The following DAB1 variants were observed in gnomAD, a reference collection of about 807,000 sequenced individuals.
DAB1 encodes disabled homolog 1.
Under a neutral mutation model 64.6 loss-of-function variants are expected in DAB1, and 15 were observed. The observed-to-expected ratio is 0.23, with a 90% confidence interval of 0.16 to 0.36. The LOEUF is 0.36. Ranked by LOEUF, DAB1 falls within the 10% of genes least tolerant of loss-of-function variation. The probability of loss-of-function intolerance (pLI) is 1.00; values close to 1 mark genes in which losing one functional copy is unlikely to be tolerated. For synonymous variants in DAB1, 235 were observed against 251.9 expected, an observed-to-expected ratio of 0.93 and a Z score of 0.64; for missense variants, 596 against 706.7, an observed-to-expected ratio of 0.84 and a Z score of 1.78.
At chr1:57,076,419 A>C (rs2100611483) in intron 4 of DAB1, among the ~76,000 whole-genome samples, 1 of 152,300 alleles carries the variant, frequency 6.6e-6, no homozygotes, top group Middle Eastern at 3.4e-3. Context: ...GGAACACCCT[A>C]GCTCTCTGCC....
intron 7 of DAB1, among the ~76,000 whole-genome samples, chr1:57,590,735 AACACACACACACACAC>A (rs58957864): frequency 3.0e-4 from 40 of 132,432 alleles, no homozygotes; most frequent in East Asian, 1.1e-3. Context: ...TGTAGTCCGT[AACACACACACACACAC>A]ACACACACAC....
intron 1 of DAB1, among the ~76,000 whole-genome samples, chr1:57,344,108 C>T (rs1026516851): frequency 2.0e-5 from 3 of 152,202 alleles, no homozygotes; most frequent in African/African-American, 7.2e-5. Flanking sequence ...CAAACTGAGG[C>T]TCAAGAAAGA....
rs79626447 is a variant in DAB1, at chr1:58,227,751, C to T, written n.310-77163G>A. Reference sequence around the variant, plus strand: ...GCTTTGATTTGCCCACAGTGTAAGCCGGTCTCAGCTCTTCCACTCACTGTT... The same window carrying T: ...GCTTTGATTTGCCCACAGTGTAAGCTGGTCTCAGCTCTTCCACTCACTGTT... On this transcript the variant is annotated intron_variant and non_coding_transcript_variant, in intron 4 of 20. Transcript: ENST00000485760. 6.4e-3 allele frequency among the ~76,000 whole-genome samples: 982 copies of T among 152,276 alleles called. 12 individuals carry two copies. The highest frequency in any genetic ancestry group is 0.023 in the African/African-American group (949 of 41,542).
intron 7 of DAB1, among the ~76,000 whole-genome samples, chr1:57,450,548 CTA>C (rs1385655432): frequency 2.0e-5 from 3 of 152,136 alleles, no homozygotes; most frequent in African/African-American, 7.2e-5. Flanking sequence ...TTCTGTCCTA[CTA>C]TGTCACAGAT....
chr1:58,377,134 A>T (rs909537007), intron 3 of DAB1, among the ~76,000 whole-genome samples: 2 of 148,718 alleles, frequency 1.3e-5, no homozygotes, highest in African/African-American at 5.0e-5. Flanking sequence ...TCTTTATCCA[A>T]CTTGCCAGTC....
At chr1:58,234,259 T>C (rs1332138748) in intron 4 of DAB1, among the ~76,000 whole-genome samples, 4 of 152,210 alleles carry the variant, frequency 2.6e-5, no homozygotes, top group Non-Finnish European at 4.4e-5. Flanking sequence ...TATCTATCGA[T>C]TATTGACTGC....
At chr1:58,351,808 G>A (rs1477456397) in intron 3 of DAB1, among the ~76,000 whole-genome samples, 1 of 148,888 alleles carries the variant, frequency 6.7e-6, no homozygotes, top group South Asian at 2.2e-4. Context: ...AGATGGGGGA[G>A]AGGGGTGTGG....
chr1:58,185,682 C>A (rs1657034754), intron 4 of DAB1, among the ~76,000 whole-genome samples: 1 of 152,184 alleles, frequency 6.6e-6, no homozygotes, highest in Admixed American at 6.5e-5. Flanking sequence ...CAGACCAAGT[C>A]AGCTGTTCCC....
chr1:57,569,591 C>G (rs1645168480), intron 7 of DAB1, among the ~76,000 whole-genome samples: 1 of 138,896 alleles, frequency 7.2e-6, no homozygotes, highest in African/African-American at 2.6e-5. Flanking sequence ...ACACCGGGGC[C>G]TGTTGTGTGG....
chr1:57,965,787 A>T (rs1346274058), intron 5 of DAB1, among the ~76,000 whole-genome samples: 2 of 152,124 alleles, frequency 1.3e-5, no homozygotes, highest in Non-Finnish European at 2.9e-5. Flanking sequence ...TCTTTAGGGG[A>T]GGTAGACAGG....
chr1:57,509,572 T>C (rs1251528134), intron 7 of DAB1, among the ~76,000 whole-genome samples: 1 of 152,142 alleles, frequency 6.6e-6, no homozygotes, highest in African/African-American at 2.4e-5. Context: ...TATTAGCTGA[T>C]GACCTTACCT....
At chr1:57,891,353 A>C (rs1644311023) in intron 5 of DAB1, among the ~76,000 whole-genome samples, 1 of 152,226 alleles carries the variant, frequency 6.6e-6, no homozygotes, top group African/African-American at 2.4e-5. Flanking sequence ...ATAGTCAGGA[A>C]ACAACAGATG....
At chr1:58,493,121 T>A (rs1319056286) in intron 3 of DAB1, among the ~76,000 whole-genome samples, 1 of 151,898 alleles carries the variant, frequency 6.6e-6, no homozygotes, top group Non-Finnish European at 1.5e-5. Flanking sequence ...CATACGCAAA[T>A]CAATAAACGT....
intron 5 of DAB1, among the ~76,000 whole-genome samples, chr1:58,082,452 T>C (rs1049974256): frequency 1.3e-5 from 2 of 151,642 alleles, no homozygotes; most frequent in Non-Finnish European, 2.9e-5. Context: ...ATAAACAAAA[T>C]TTTTGTCCTC....
At chr1:57,845,496 G>C (rs912812911) in intron 1 of DAB1, among the ~76,000 whole-genome samples, 2 of 152,198 alleles carry the variant, frequency 1.3e-5, no homozygotes, top group African/African-American at 4.8e-5. Flanking sequence ...CCATAAAATA[G>C]AGATTTGCGT....
At chr1:57,872,057 A>G (rs1006819439) in intron 1 of DAB1, among the ~76,000 whole-genome samples, 1 of 152,174 alleles carries the variant, frequency 6.6e-6, no homozygotes, top group Non-Finnish European at 1.5e-5. Flanking sequence ...ATCATAATCT[A>G]CACTGTAGGA....
intron 6 of DAB1, among the ~76,000 whole-genome samples, chr1:57,697,240 A>T (rs1462291730): frequency 6.6e-6 from 1 of 152,168 alleles, no homozygotes; most frequent in East Asian, 1.9e-4. Context: ...TGAATAAATG[A>T]GTTGATCAAT....
chr1:57,101,369 T>A (rs555996037), intron 4 of DAB1, among the ~76,000 whole-genome samples: 1 of 152,360 alleles, frequency 6.6e-6, no homozygotes, highest in African/African-American at 2.4e-5. Context: ...TAGTCACCCT[T>A]TGTTGAAAGG....
At chr1:57,466,463 G>A (rs547097853) in intron 7 of DAB1, among the ~76,000 whole-genome samples, 19 of 152,222 alleles carry the variant, frequency 1.2e-4, no homozygotes, top group Admixed American at 1.0e-3. Context: ...AGAAAATAAC[G>A]TAACCCCTCT....
Sources: allele counts gnomAD v4.1 joint callset (sites outside exome capture counted in the v4.1 genomes callset), GRCh38; gene constraint gnomAD v4.1.1; transcripts MANE v1.5; gene names NCBI Gene and HGNC (gene_info 2026-07-23, HGNC 2026-07-21).